DST: variants seen among roughly 807,000 people sequenced by gnomAD.
DST encodes the protein dystonin, also known as bullous pemphigoid antigen.
DST carries 253 observed loss-of-function variants against 875.2 expected under a neutral mutation model. That is an observed-to-expected ratio of 0.29 (90% confidence interval 0.26 to 0.32). The LOEUF is 0.32. Ranked by LOEUF, DST falls within the 10% of genes least tolerant of loss-of-function variation. DST has a pLI of 1.00. For missense variants in DST, 8,287 were observed against 9,111.6 expected (o/e 0.91, Z 3.68); for synonymous variants, 3,124 against 3,197.1 (o/e 0.98, Z 0.77).
intron 4 of DST, among the ~76,000 whole-genome samples, chr6:56,799,262 G>A (rs1048402814): frequency 2.6e-5 from 4 of 152,084 alleles, no homozygotes; most frequent in Admixed American, 6.6e-5. Context: ...GGCTGGGGCA[G>A]AAGGACTGCT....
chr6:56,746,199 C>G (rs886973101), intron 4 of DST, among the ~76,000 whole-genome samples: 23 of 151,720 alleles, frequency 1.5e-4, no homozygotes, highest in Admixed American at 1.4e-3. Context: ...TTGTCCAGAC[C>G]GGTCTCCAAC....
In DST at chr6:56,629,395, C is replaced by T. The variant is rs143924906; in HGVS notation, c.4330G>A (p.Glu1444Lys). The T allele has an allele frequency of 1.6e-4, 252 of 1,613,618 alleles. No homozygotes were observed. In the East Asian group the frequency reaches 4.7e-3, roughly 30 times the overall value. ...DEKRQVFHAL[E>K]DELQKAKAIS... ...GCTTTAGCTTTCTGCAACTCATCCTCTAAGGCATGGAATACCTGTCTCTTT... is the reference window on the plus strand; with the variant it reads ...GCTTTAGCTTTCTGCAACTCATCCTTTAAGGCATGGAATACCTGTCTCTTT... Residue 1444 changes from glutamate (E) to lysine (K), a missense_variant, in exon 32 of 104, where the codon GAG (glutamate) becomes AAG (lysine). Physicochemically the swap from Glu to Lys is moderately conservative, Grantham distance 56. Around this residue, in one of 10 missense-constraint regions of DST, gnomAD observed 3,138 missense variants for 3,116.6 expected, o/e 1.01. Coordinates refer to ENST00000680361, the MANE Select transcript of DST (RefSeq NM_001374736.1).
chr6:56,608,430 C>G lies in DST; in HGVS notation c.6198G>C (p.Gln2066His). The G allele has an allele frequency of 6.2e-7, 1 of 1,613,744 alleles. No homozygotes were observed. The highest frequency in any genetic ancestry group is 8.5e-7 in the Non-Finnish European group (1 of 1,179,784). ...GCCAAATGAGTCCAACATAGCCTCGCTGAGCTTCCAGGACCAGAAGAGCAC... is the reference window on the plus strand; with the variant it reads ...GCCAAATGAGTCCAACATAGCCTCGGTGAGCTTCCAGGACCAGAAGAGCAC... ...SSSALLVLEA[Q>H]RGYVGLIWPH... is the part of the protein sequence containing the mutation. Residue 2066 changes from glutamine (Q) to histidine (H), a missense_variant, in exon 40 of 104, where the codon CAG becomes CAC. By Grantham distance (24) the Gln-to-His change is conservative (BLOSUM62 0). Coordinates refer to ENST00000680361, the MANE Select transcript of DST (RefSeq NM_001374736.1).
chr6:56,681,961 T>G (rs143259670), intron 9 of DST, among the ~76,000 whole-genome samples: 206 of 152,298 alleles, frequency 1.4e-3, no homozygotes, highest in Non-Finnish European at 2.2e-3. Context: ...TGCTTATTAT[T>G]TACAAAATAC....
intron 3 of DST, among the ~76,000 whole-genome samples, chr6:56,869,817 C>T (rs1776115181): frequency 6.6e-6 from 1 of 152,038 alleles, no homozygotes; most frequent in African/African-American, 2.4e-5. Context: ...CCCGAGTAGC[C>T]GAGACTACAG....
intron 4 of DST, among the ~76,000 whole-genome samples, chr6:56,806,563 A>C (rs2099753174): frequency 6.6e-6 from 1 of 152,214 alleles, no homozygotes; most frequent in African/African-American, 2.4e-5. Flanking sequence ...AGGCCCTAAA[A>C]GCAAGCGTGT....
chr6:56,620,355 T>C lies in DST; in HGVS notation c.4929+4175A>G, dbSNP rs914360656. On this transcript the variant is annotated intron_variant, in intron 36 of 103. Coordinates refer to ENST00000680361, the MANE Select transcript of DST (RefSeq NM_001374736.1). ...AGGTTCTCTTCCACGGCAGCTCTTT[T>C]AGCCTCGGCCTCTATGGTGAGCTGC... 1.4e-5 allele frequency: 22 copies of C among 1,614,190 alleles called. No individual in the cohort carries two copies. The East Asian group carries it at 3.6e-4, about 26-fold the overall frequency.
chr6:56,837,368 A>G (rs1033229453), intron 4 of DST, among the ~76,000 whole-genome samples: 1 of 152,212 alleles, frequency 6.6e-6, no homozygotes, highest in African/African-American at 2.4e-5. Flanking sequence ...GAACCAACTA[A>G]TCGGCCATCC....
intron 9 of DST, among the ~76,000 whole-genome samples, chr6:56,696,432 G>A (rs1273391796): frequency 6.6e-6 from 1 of 152,190 alleles, no homozygotes; most frequent in Non-Finnish European, 1.5e-5. Context: ...AAAGTGCTGG[G>A]ATTACAGGTG....
intron 4 of DST, among the ~76,000 whole-genome samples, chr6:56,845,445 A>T (rs1260509037): frequency 1.3e-5 from 2 of 152,216 alleles, no homozygotes; most frequent in African/African-American, 2.4e-5. Flanking sequence ...TGTTACTCCA[A>T]ACAAAGCAAG....
chr6:56,746,991 G>A (rs995430758), intron 4 of DST, among the ~76,000 whole-genome samples: 5 of 152,156 alleles, frequency 3.3e-5, no homozygotes, highest in African/African-American at 7.2e-5. Flanking sequence ...GAGCAGAGGT[G>A]AAGGTGCAAC....
At chr6:56,724,962 G>A (rs907986930) in intron 5 of DST, among the ~76,000 whole-genome samples, 2 of 149,328 alleles carry the variant, frequency 1.3e-5, no homozygotes, top group Admixed American at 1.3e-4. Context: ...TATATAACAG[G>A]CTGTTTTACA....
At chr6:56,665,107 C>T (rs1313353466) in intron 10 of DST, among the ~76,000 whole-genome samples, 2 of 152,144 alleles carry the variant, frequency 1.3e-5, no homozygotes, top group East Asian at 1.9e-4. Flanking sequence ...TGCTTAATTT[C>T]GCTGTGATTT....
chr6:56,614,941 T>C, intron 36 of DST: 1 of 993,124 alleles, frequency 1.0e-6, no homozygotes, highest in Non-Finnish European at 1.2e-6. Context: ...ATAATATTCA[T>C]AATGTTAGCT....
chr6:56,482,187 T>TCACACACACA lies in DST; in HGVS notation c.21403-19_21403-10dup. The TCACACACACA allele has an allele frequency of 1.1e-5, 17 of 1,590,666 alleles. No homozygotes were observed. Among genetic ancestry groups the TCACACACACA allele is most frequent in the Non-Finnish European group, 1.4e-5 (16 of 1,161,414 alleles). ...GAGTGGAATTCCTCTGCCTAAGAGTTCACACACACACACACCCCAAACAAA... is the reference window on the plus strand; with the variant it reads ...GAGTGGAATTCCTCTGCCTAAGAGTTCACACACACACACACACACACACACCCCAAACAAA... On this transcript the variant is annotated splice_polypyrimidine_tract_variant and intron_variant, in intron 89 of 103. Coordinates refer to ENST00000680361, the MANE Select transcript of DST (RefSeq NM_001374736.1).
At chr6:56,528,150 A>T (rs1236416829) in intron 67 of DST, among the ~76,000 whole-genome samples, 3 of 152,214 alleles carry the variant, frequency 2.0e-5, no homozygotes, top group African/African-American at 7.2e-5. Context: ...CATCTGCACT[A>T]TTCCAACAGA....
At chr6:56,537,596 A>G (rs1330227117) in intron 61 of DST, among the ~76,000 whole-genome samples, 1 of 152,234 alleles carries the variant, frequency 6.6e-6, no homozygotes, top group African/African-American at 2.4e-5. Context: ...ACTCTCAAGA[A>G]ATACAATGAC....
At chr6:56,904,872 C>T (rs1057507734) in intron 2 of DST, among the ~76,000 whole-genome samples, 4 of 152,312 alleles carry the variant, frequency 2.6e-5, no homozygotes, top group East Asian at 1.9e-4. Flanking sequence ...TCACTGCAAC[C>T]GCCGCCTCCC....
chr6:56,882,796 A>G (rs1009231492), intron 3 of DST, among the ~76,000 whole-genome samples: 6 of 152,246 alleles, frequency 3.9e-5, no homozygotes, highest in African/African-American at 1.4e-4. Context: ...ATTTACTAAG[A>G]AAAAATTGTT....
Sources: gnomAD v4.1 joint callset for allele counts (sites outside exome capture counted in the v4.1 genomes callset) on GRCh38, gnomAD v4.1.1 for gene constraint, gnomAD v4.1.1 regional missense constraint, MANE v1.5 for transcripts, NCBI Gene and HGNC (gene_info 2026-07-23, HGNC 2026-07-21) for gene names.